The following HMGB1 variants were observed in gnomAD, a reference collection of about 807,000 sequenced individuals.
HMGB1 encodes high mobility group protein B1.
For missense variants in HMGB1, 79 were observed against 253.5 expected, an observed-to-expected ratio of 0.31 and a Z score of 4.67; for synonymous variants, 81 against 84.0, an observed-to-expected ratio of 0.96 and a Z score of 0.19.
intron 1 of HMGB1, among the ~76,000 whole-genome samples, chr13:30,564,358 C>T (rs918415496): frequency 2.0e-5 from 3 of 151,268 alleles, no homozygotes; most frequent in South Asian, 2.1e-4. Flanking sequence ...GAGGCTGACT[C>T]GGGAGGCTGA....
In HMGB1 at chr13:30,483,549, C is replaced by T. The variant is rs535878261; in HGVS notation, c.-14-19855G>A. On this transcript the variant is annotated intron_variant, in intron 1 of 4. Transcript: ENST00000405805. ...CTAAGGTAAATTATGACATTATGAT[C>T]GTGATGTTCCTCTGCTTAAATAATT... Among the ~76,000 whole-genome samples the T allele has an allele frequency of 3.3e-5, 5 of 151,738 alleles. No homozygotes were observed. In the South Asian group the frequency reaches 8.3e-4, roughly 25 times the overall value.
chr13:30,525,617 T>C (rs1888344490), intron 1 of HMGB1, among the ~76,000 whole-genome samples: 1 of 152,128 alleles, frequency 6.6e-6, no homozygotes, highest in Non-Finnish European at 1.5e-5. Context: ...AACTAATAAC[T>C]TTTTGCAAAA....
chr13:30,499,197 C>A (rs1887681942), intron 1 of HMGB1, among the ~76,000 whole-genome samples: 1 of 152,142 alleles, frequency 6.6e-6, no homozygotes, highest in Non-Finnish European at 1.5e-5. Flanking sequence ...AGGTGATCCA[C>A]CCGCCTCAGC....
chr13:30,599,997 A>T (rs1275186129), intron 1 of HMGB1, among the ~76,000 whole-genome samples: 1 of 152,184 alleles, frequency 6.6e-6, no homozygotes, highest in Non-Finnish European at 1.5e-5. Context: ...ATTAAAGGCA[A>T]TTTTTCCTAT....
intron 1 of HMGB1, among the ~76,000 whole-genome samples, chr13:30,538,502 CTT>C (rs1388332954): frequency 3.5e-4 from 43 of 122,800 alleles, no homozygotes; most frequent in African/African-American, 1.5e-3. Flanking sequence ...TTCTTTCTTT[CTT>C]TCTTTCCTTT....
At chr13:30,498,809 G>A (rs764870245) in intron 1 of HMGB1, among the ~76,000 whole-genome samples, 28 of 151,482 alleles carry the variant, frequency 1.8e-4, no homozygotes, top group Non-Finnish European at 3.2e-4. Context: ...CACTATACCC[G>A]GCTAATTTCT....
intron 1 of HMGB1, among the ~76,000 whole-genome samples, chr13:30,592,872 A>T (rs9579615): frequency 0.054 from 7,280 of 133,768 alleles, 373 homozygotes; most frequent in African/African-American, 0.15. Context: ...GCTTTTTTTT[A>T]AAAAAAAAAA....
At chr13:30,484,171 T>C (rs1196706534) in intron 1 of HMGB1, among the ~76,000 whole-genome samples, 1 of 152,052 alleles carries the variant, frequency 6.6e-6, no homozygotes, top group Non-Finnish European at 1.5e-5. Flanking sequence ...GTACCCCCCA[T>C]CCCAGCCTGA....
intron 1 of HMGB1, among the ~76,000 whole-genome samples, chr13:30,549,670 C>T (rs1260752789): frequency 3.3e-5 from 5 of 151,534 alleles, no homozygotes; most frequent in Non-Finnish European, 4.4e-5. Context: ...ACTGGGATTA[C>T]GGGCATGAGC....
chr13:30,500,045 C>T (rs886565417), intron 1 of HMGB1, among the ~76,000 whole-genome samples: 1 of 152,130 alleles, frequency 6.6e-6, no homozygotes, highest in Admixed American at 6.6e-5. Flanking sequence ...TAAATTAATG[C>T]CATCAGGTGA....
Position 30,526,776 on chromosome 13 carries a change from G to A in HMGB1, c.-14-63082C>T, listed in dbSNP as rs146996355. Among the ~76,000 whole-genome samples, 681 of 152,300 alleles carry A rather than the reference G, an allele frequency of 4.5e-3. 3 individuals are homozygous for A. Among genetic ancestry groups the A allele is most frequent in the Non-Finnish European group, 6.5e-3 (444 of 68,022 alleles). On this transcript the variant is annotated intron_variant, in intron 1 of 4. Coordinates refer to the HMGB1 transcript ENST00000405805. The stretch of plus-strand genomic sequence containing the variant: ...CAGAAAGGGGCCTCTGCCCTCTGTC[G>A]CCAAAGCTCCTCTCCATACCACAGA...
chr13:30,505,173 T>C (rs570796875), intron 1 of HMGB1, among the ~76,000 whole-genome samples: 1 of 150,302 alleles, frequency 6.7e-6, no homozygotes, highest in East Asian at 2.0e-4. Context: ...TTGTTGTCGT[T>C]GTTGTTGTTG....
intron 1 of HMGB1, among the ~76,000 whole-genome samples, chr13:30,616,411 G>C (rs1950562992): frequency 6.6e-6 from 1 of 152,164 alleles, no homozygotes; most frequent in African/African-American, 2.4e-5. Context: ...CATTTTAACT[G>C]AACCAATTGT....
chr13:30,476,365 C>T (rs1887098347), intron 1 of HMGB1, among the ~76,000 whole-genome samples: 1 of 151,912 alleles, frequency 6.6e-6, no homozygotes, highest in Non-Finnish European at 1.5e-5. Flanking sequence ...TCTCGAACTC[C>T]TGACCTCAAG....
At chr13:30,479,613 C>T (rs1269469467) in intron 1 of HMGB1, among the ~76,000 whole-genome samples, 1 of 152,168 alleles carries the variant, frequency 6.6e-6, no homozygotes, top group Non-Finnish European at 1.5e-5. Context: ...GGCTTTGGAA[C>T]CGGACACCTC....
At position 30,462,487 on chromosome 13, in the gene HMGB1, T is replaced by C. The variant is rs772229919; in HGVS notation, c.471+51A>G. 3 of 1,405,304 alleles carry C rather than the reference T, an allele frequency of 2.1e-6. No individual in the cohort carries two copies. The East Asian group carries it at 6.8e-5, about 32-fold the overall frequency. The allele number at this position is 1,405,304 out of a possible 1,614,324, so 87.1% of individuals were successfully genotyped here. ...TTACACCTCAAACTAAGTACAATCA[T>C]ACATCTGGCGTACTTGTCATCATTT... On this transcript the variant is annotated intron_variant, in intron 4 of 4. Coordinates refer to ENST00000341423, the MANE Select transcript of HMGB1 (RefSeq NM_002128.7).
intron 1 of HMGB1, among the ~76,000 whole-genome samples, chr13:30,538,472 TTC>T (rs1491353669): frequency 7.6e-4 from 27 of 35,428 alleles, no homozygotes; most frequent in African/African-American, 2.4e-3. Context: ...CTTTCTTTCT[TTC>T]TTTCTTTCTT....
At chr13:30,513,766 C>CA (rs1888042106) in intron 1 of HMGB1, among the ~76,000 whole-genome samples, 1 of 152,208 alleles carries the variant, frequency 6.6e-6, no homozygotes, top group African/African-American at 2.4e-5. Flanking sequence ...AACCCATTCA[C>CA]AAGGCTTCTC....
chr13:30,555,993 A>G (rs1005647497), intron 1 of HMGB1, among the ~76,000 whole-genome samples: 3 of 152,240 alleles, frequency 2.0e-5, no homozygotes, highest in Admixed American at 6.5e-5. Flanking sequence ...TATTTTCCCA[A>G]TGGGAGAAGT....
Sources: allele counts gnomAD v4.1 joint callset (sites outside exome capture counted in the v4.1 genomes callset), GRCh38; gene constraint gnomAD v4.1.1; transcripts MANE v1.5; gene names NCBI Gene and HGNC (gene_info 2026-07-23, HGNC 2026-07-21).